MLYCD: variants seen among roughly 807,000 people sequenced by gnomAD.
MLYCD encodes malonyl-CoA decarboxylase, mitochondrial.
A neutral mutation model predicts 35.8 loss-of-function variants in MLYCD; 27 were observed. The ratio of observed to expected loss-of-function variants is 0.75; its 90% CI spans 0.56 to 1.04. The LOEUF (loss-of-function observed/expected upper bound fraction) is 1.04, where lower values mean the gene tolerates loss of function less well. MLYCD is among the 50% of genes least tolerant of loss of function. MLYCD has a pLI of 0.00. For missense variants in MLYCD, 917 were observed against 665.1 expected (o/e 1.38, Z -4.17); for synonymous variants, 403 against 302.4 (o/e 1.33, Z -3.45).
chr16:83,901,312 G>A (rs1244187966), intron 1 of MLYCD, among the ~76,000 whole-genome samples: 1 of 152,174 alleles, frequency 6.6e-6, no homozygotes, highest in East Asian at 1.9e-4. Context: ...CCATGTAAAT[G>A]ATCAGCTCCT....
At chr16:83,902,154 C>CATATATATATAT (rs1555537762) in intron 1 of MLYCD, among the ~76,000 whole-genome samples, 1 of 84,454 alleles carries the variant, frequency 1.2e-5, no homozygotes, top group Non-Finnish European at 2.4e-5. Flanking sequence ...TGTGTGCGTG[C>CATATATATATAT]GTATATATAT....
At chr16:83,902,401 A>G (rs1906827753) in intron 1 of MLYCD, among the ~76,000 whole-genome samples, 1 of 151,538 alleles carries the variant, frequency 6.6e-6, no homozygotes, top group African/African-American at 2.4e-5. Context: ...TTAGAATAGA[A>G]TTAGATTGTT....
Position 83,919,816 on chromosome 16 carries a change from G to A in MLYCD, c.*4327G>A, listed in dbSNP as rs1907589603. 1 of 151,418 alleles carries A rather than the reference G, an allele frequency of 6.6e-6. No individual in the cohort carries two copies. Among genetic ancestry groups the A allele is most frequent in the Admixed American group, 6.6e-5 (1 of 15,182 alleles). 9.4% of individuals were successfully genotyped at this position (151,418 alleles called of 1,614,324 possible). A position where few individuals can be genotyped will look rare whatever the true frequency, so the allele number is the denominator to read the frequency against. On this transcript the variant is annotated 3_prime_UTR_variant, in exon 5 of 5. Transcript: ENST00000262430. Reference sequence around the variant, plus strand: ...GGTGTACAGAACACACGGTGCACAGGAGAACACGCAGTGCACAGGAGAACA... The same window carrying A: ...GGTGTACAGAACACACGGTGCACAGAAGAACACGCAGTGCACAGGAGAACA...
chr16:83,917,415 CT>C lies in MLYCD; in HGVS notation c.*1927del, dbSNP rs1290874936. ...CATGTGCTTACACGTCTTTGTGTGT[CT>C]GTGTGCGTGTGTCCGCAGTTGCCCT... is the stretch of plus-strand genomic sequence containing the variant. On this transcript the variant is annotated 3_prime_UTR_variant, in exon 5 of 5. Coordinates refer to ENST00000262430, the MANE Select transcript of MLYCD (RefSeq NM_012213.3). The C allele has an allele frequency of 6.5e-6, 1 of 154,672 alleles. No homozygotes were observed. Among genetic ancestry groups the C allele is most frequent in the African/African-American group, 2.4e-5 (1 of 41,554 alleles). The allele number at this position is 154,672 out of a possible 1,614,324, so 9.6% of individuals were successfully genotyped here.
At chr16:83,914,372 A>G (rs1466906420) in intron 4 of MLYCD, 3 of 178,450 alleles carry the variant, frequency 1.7e-5, no homozygotes, top group African/African-American at 7.1e-5. Context: ...TGTGCCGAGC[A>G]GCAGAGCAGC....
chr16:83,903,242 C>A (rs1906861168), intron 1 of MLYCD, among the ~76,000 whole-genome samples: 1 of 152,142 alleles, frequency 6.6e-6, no homozygotes, highest in South Asian at 2.1e-4. Flanking sequence ...ACCTGGTTCC[C>A]ACTGCCACAG....
chr16:83,914,924 G>A (rs770805105), intron 4 of MLYCD, 32 bp from the exon 5 acceptor site: 36 of 1,613,968 alleles, frequency 2.2e-5, no homozygotes, highest in Middle Eastern at 3.3e-4. Context: ...TGTTTTCTCC[G>A]CCTTCCTTTC....
intron 3 of MLYCD, among the ~76,000 whole-genome samples, chr16:83,910,835 G>A (rs543453332): frequency 6.6e-6 from 1 of 152,268 alleles, no homozygotes; most frequent in East Asian, 1.9e-4. Flanking sequence ...TTCATGTCAT[G>A]AGCTCTCCCC....
intron 2 of MLYCD, among the ~76,000 whole-genome samples, 169 bp downstream of exon 2, chr16:83,907,268 G>A (rs1159224621): frequency 1.3e-5 from 2 of 152,116 alleles, no homozygotes; most frequent in African/African-American, 4.8e-5. Context: ...CACCACACAT[G>A]ATACTAAGAT....
rs1035841231 is a variant in MLYCD, at chr16:83,924,427, C to A, written c.*8938C>A. 1 of 152,246 alleles carries A rather than the reference C, an allele frequency of 6.6e-6. No individual in the cohort carries two copies. Among genetic ancestry groups the A allele is most frequent in the East Asian group, 1.9e-4 (1 of 5,194 alleles). The allele number at this position is 152,246 out of a possible 1,614,324, so 9.4% of individuals were successfully genotyped here. A position where few individuals can be genotyped will look rare whatever the true frequency, so the allele number is the denominator to read the frequency against. On this transcript the variant is annotated 3_prime_UTR_variant, in exon 5 of 5. Coordinates refer to ENST00000262430, the MANE Select transcript of MLYCD (RefSeq NM_012213.3). ...GGCCGTATCCCACCCAGCAGGAGCGCTTGCTTCTGAAGCTCCCGTGCGTCT... is the reference window on the plus strand; with the variant it reads ...GGCCGTATCCCACCCAGCAGGAGCGATTGCTTCTGAAGCTCCCGTGCGTCT...
At position 83,915,991 on chromosome 16, in the gene MLYCD, T is replaced by TA; in HGVS notation, c.*503dup. 15 of 1,012,586 alleles carry TA rather than the reference T, an allele frequency of 1.5e-5. No individual in the cohort carries two copies. Among genetic ancestry groups the TA allele is most frequent in the Non-Finnish European group, 1.8e-5 (15 of 844,536 alleles). The allele number at this position is 1,012,586 out of a possible 1,614,324, so 62.7% of individuals were successfully genotyped here. Reference sequence around the variant, plus strand: ...AAAGGGCTGTGCTACACTTCCCAGTTACATTCTGAAGCTCATAAATGTATG... The same window carrying TA: ...AAAGGGCTGTGCTACACTTCCCAGTTAACATTCTGAAGCTCATAAATGTATG... On this transcript the variant is annotated 3_prime_UTR_variant, in exon 5 of 5. Transcript: ENST00000262430.
Position 83,921,485 on chromosome 16 carries a change from A to G in MLYCD, c.*5996A>G, listed in dbSNP as rs920953289. The G allele has an allele frequency of 3.3e-5, 5 of 150,564 alleles. No homozygotes were observed. Among genetic ancestry groups the G allele is most frequent in the African/African-American group, 1.2e-4 (5 of 40,834 alleles). 9.3% of individuals were successfully genotyped at this position (150,564 alleles called of 1,614,324 possible). A position where few individuals can be genotyped will look rare whatever the true frequency, so the allele number is the denominator to read the frequency against. Reference sequence around the variant, plus strand: ...CGCAGGGTATATGGAAGGAAGATGGATGAATGATGGAAGATGGATGGATGG... The same window carrying G: ...CGCAGGGTATATGGAAGGAAGATGGGTGAATGATGGAAGATGGATGGATGG... On this transcript the variant is annotated 3_prime_UTR_variant, in exon 5 of 5. Coordinates refer to ENST00000262430, the MANE Select transcript of MLYCD (RefSeq NM_012213.3).
intron 4 of MLYCD, chr16:83,914,094 G>A (rs1402278310): frequency 6.6e-6 from 1 of 152,230 alleles, no homozygotes; most frequent in Non-Finnish European, 1.5e-5. Flanking sequence ...TCTCAATGTA[G>A]TGGAGTGTGA....
chr16:83,907,787 A>G (rs1403272650), intron 2 of MLYCD, among the ~76,000 whole-genome samples: 2 of 152,336 alleles, frequency 1.3e-5, no homozygotes, highest in East Asian at 1.9e-4. Context: ...ACGGCTTCAC[A>G]GAGATCCCAA....
chr16:83,913,392 A>G (rs1907251635), intron 4 of MLYCD: 1 of 152,448 alleles, frequency 6.6e-6, no homozygotes, highest in South Asian at 2.1e-4. Flanking sequence ...AGATCCCGGG[A>G]TTCGGGGGAG....
In MLYCD at chr16:83,919,854, G is replaced by A. The variant is rs1907591139; in HGVS notation, c.*4365G>A. On this transcript the variant is annotated 3_prime_UTR_variant, in exon 5 of 5. Coordinates refer to ENST00000262430, the MANE Select transcript of MLYCD (RefSeq NM_012213.3). ...GCACAGGAGAACATGCAATGCACGGGAGAACACAGTGCAGAGAACACACAC... is the reference window on the plus strand; with the variant it reads ...GCACAGGAGAACATGCAATGCACGGAAGAACACAGTGCAGAGAACACACAC... 6.7e-6 allele frequency: 1 copy of A among 150,158 alleles called. No individual in the cohort carries two copies. Among genetic ancestry groups the A allele is most frequent in the South Asian group, 2.1e-4 (1 of 4,754 alleles). 9.3% of individuals were successfully genotyped at this position (150,158 alleles called of 1,614,324 possible). A position where few individuals can be genotyped will look rare whatever the true frequency, so the allele number is the denominator to read the frequency against.
Position 83,907,047 on chromosome 16 carries a change from C to T in MLYCD, c.589C>T (p.Leu197=). 1 of 1,614,210 alleles carries T rather than the reference C, an allele frequency of 6.2e-7. No individual in the cohort carries two copies. Among genetic ancestry groups the T allele is most frequent in the Non-Finnish European group, 8.5e-7 (1 of 1,180,046 alleles). Residue 197 remains leucine (L), a synonymous_variant, in exon 2 of 5, where the codon CTA becomes TTA. Coordinates refer to ENST00000262430, the MANE Select transcript of MLYCD (RefSeq NM_012213.3). The stretch of plus-strand genomic sequence containing the variant: ...ATGGTTTTCCTCCGGGTTCCTGAAC[C>T]TAGAACGGGTTACCTGGCATTCACC... ...SEWFSSGFLN[L]ERVTWHSPCE... is the part of the protein sequence containing the mutation.
chr16:83,919,953 C>T lies in MLYCD; in HGVS notation c.*4464C>T, dbSNP rs568632858. On this transcript the variant is annotated 3_prime_UTR_variant, in exon 5 of 5. Transcript: ENST00000262430. ...CACATTCCATGCACAGGAGAACACA[C>T]GCAATTCACAGGACACAACAGAACA... is the stretch of plus-strand genomic sequence containing the variant. 2.6e-5 allele frequency: 4 copies of T among 152,040 alleles called. No individual in the cohort carries two copies. The highest frequency in any genetic ancestry group is 2.1e-4 in the South Asian group (1 of 4,796). 9.4% of individuals were successfully genotyped at this position (152,040 alleles called of 1,614,324 possible).
At position 83,904,954 on chromosome 16, in the gene MLYCD, T is replaced by C. The variant is rs118030093; in HGVS notation, c.529-2033T>C. ...TCACACAGAACAAATTTGTGGCCTC[T>C]TTCGTGCCCTAGTGCTTAAACATGT... On this transcript the variant is annotated intron_variant, in intron 1 of 4. Transcript: ENST00000262430. 3.8e-3 allele frequency among the ~76,000 whole-genome samples: 578 copies of C among 152,352 alleles called. 4 individuals carry two copies. The highest frequency in any genetic ancestry group is 0.027 in the East Asian group (142 of 5,188).
Sources: gnomAD v4.1 joint callset for allele counts (sites outside exome capture counted in the v4.1 genomes callset) on GRCh38, gnomAD v4.1.1 for gene constraint, MANE v1.5 for transcripts, NCBI Gene and HGNC (gene_info 2026-07-23, HGNC 2026-07-21) for gene names.